The following GFRA1 variants were observed in gnomAD, a reference collection of about 807,000 sequenced individuals.
The protein encoded by GFRA1 is GDNF family receptor alpha-1.
GFRA1 carries 16 observed loss-of-function variants against 51.6 expected under a neutral mutation model. The ratio of observed to expected loss-of-function variants is 0.31; its 90% CI spans 0.21 to 0.47. The LOEUF (loss-of-function observed/expected upper bound fraction) is 0.47, where lower values mean the gene tolerates loss of function less well. Ranked by LOEUF, GFRA1 falls within the 20% of genes least tolerant of loss-of-function variation. The probability of loss-of-function intolerance (pLI) is 1.00; values close to 1 mark genes in which losing one functional copy is unlikely to be tolerated. For missense variants in GFRA1, 530 were observed against 594.3 expected (o/e 0.89, Z 1.13); for synonymous variants, 270 against 241.3 (o/e 1.12, Z -1.10).
chr10:116,066,030 C>A (rs1955096258), intron 9 of GFRA1, among the ~76,000 whole-genome samples: 1 of 152,154 alleles, frequency 6.6e-6, no homozygotes, highest in Admixed American at 6.5e-5. Context: ...AGTAATCCCT[C>A]ATTTCTTAAA....
intron 10 of GFRA1, among the ~76,000 whole-genome samples, chr10:116,065,238 A>T (rs1280247216): frequency 1.3e-5 from 2 of 152,186 alleles, no homozygotes; most frequent in Non-Finnish European, 2.9e-5. Flanking sequence ...ACCACAGATG[A>T]TAGAGAACAT....
chr10:116,254,344 GAAAGA>G (rs1968649845), intron 4 of GFRA1, among the ~76,000 whole-genome samples: 7 of 143,410 alleles, frequency 4.9e-5, no homozygotes, highest in South Asian at 2.2e-4. Flanking sequence ...AAGAAAGAAA[GAAAGA>G]AAAGAAAAGA....
At position 116,269,610 on chromosome 10, in the gene GFRA1, C is replaced by G. The variant is rs774322495; in HGVS notation, c.335-24G>C. The G allele has an allele frequency of 6.5e-6, 9 of 1,384,032 alleles. No individual in the cohort carries two copies. The Admixed American group carries it at 1.5e-4, about 23-fold the overall frequency. 85.7% of individuals were successfully genotyped at this position (1,384,032 alleles called of 1,614,324 possible). ...TCCTAAAAACAACAGAAAGATTGGG[C>G]TCAGATCAGAAAAACATATATTTCA... On this transcript the variant is annotated intron_variant, in intron 3 of 10. Coordinates refer to ENST00000355422, the MANE Select transcript of GFRA1 (RefSeq NM_005264.8).
chr10:116,068,170 A>G lies in GFRA1; in HGVS notation c.1198-2544T>C, dbSNP rs1325329832. 3.9e-5 allele frequency among the ~76,000 whole-genome samples: 6 copies of G among 152,198 alleles called. No individual in the cohort carries two copies. In the South Asian group the frequency reaches 1.2e-3, roughly 32 times the overall value. On this transcript the variant is annotated intron_variant, in intron 9 of 10. Transcript: ENST00000355422. ...TTCTCTCCCGTTAAACATCTTCCCA[A>G]CCCACAGAGGCACTCAGCACTCCAG... is the stretch of plus-strand genomic sequence containing the variant.
chr10:116,212,521 AAAACACAC>A (rs1033261559), intron 4 of GFRA1, among the ~76,000 whole-genome samples: 1 of 85,082 alleles, frequency 1.2e-5, no homozygotes. Context: ...ATTCCGTCTC[AAAACACAC>A]ACACACACAC....
chr10:116,211,039 A>T (rs1031573861), intron 5 of GFRA1, among the ~76,000 whole-genome samples: 4 of 152,094 alleles, frequency 2.6e-5, no homozygotes, highest in Non-Finnish European at 5.9e-5. Context: ...TGGGGTTAGG[A>T]TTTCACCTCC....
chr10:116,065,777 C>T, intron 9 of GFRA1, 151 bp from the exon 10 acceptor site: 1 of 656,606 alleles, frequency 1.5e-6, no homozygotes, highest in South Asian at 1.7e-5. Flanking sequence ...TTCTAGTAGC[C>T]ATGTAATAAA....
rs182653164 is a variant in GFRA1, at chr10:116,137,865, G to A, written c.434-12308C>T. 3.9e-5 allele frequency among the ~76,000 whole-genome samples: 6 copies of A among 152,194 alleles called. No individual in the cohort carries two copies. The East Asian group carries it at 9.7e-4, about 25-fold the overall frequency. ...TGCCCAGGCTAGAGTGCAATGGTAC[G>A]ATCTTGGCTCACTGCAACCTCCACT... is the stretch of plus-strand genomic sequence containing the variant. On this transcript the variant is annotated intron_variant, in intron 5 of 10. Coordinates refer to ENST00000355422, the MANE Select transcript of GFRA1 (RefSeq NM_005264.8).
intron 5 of GFRA1, among the ~76,000 whole-genome samples, chr10:116,172,576 G>A (rs561208462): frequency 1.3e-4 from 20 of 152,274 alleles, no homozygotes; most frequent in Admixed American, 9.2e-4. Context: ...GGGTTGGGGG[G>A]CAGAGGGTTC....
In GFRA1 at chr10:116,157,951, G is replaced by A. The variant is rs538287583; in HGVS notation, c.434-32394C>T. ...CCTGGCTTTGCACAAACACTGCAACGTGAACACACAAAAGTCCTCCATTCC... is the reference window on the plus strand; with the variant it reads ...CCTGGCTTTGCACAAACACTGCAACATGAACACACAAAAGTCCTCCATTCC... On this transcript the variant is annotated intron_variant, in intron 5 of 10. Transcript: ENST00000355422. Among the ~76,000 whole-genome samples, 19 of 152,306 alleles carry A rather than the reference G, an allele frequency of 1.2e-4. No homozygotes were observed. The East Asian group carries it at 2.5e-3, about 20-fold the overall frequency.
At chr10:116,127,543 C>T (rs546279976) in intron 5 of GFRA1, among the ~76,000 whole-genome samples, 1 of 152,304 alleles carries the variant, frequency 6.6e-6, no homozygotes, top group South Asian at 2.1e-4. Context: ...GTGTGGAGTA[C>T]AGGAAGTTGG....
At chr10:116,147,498 C>G (rs1020215136) in intron 5 of GFRA1, among the ~76,000 whole-genome samples, 10 of 152,048 alleles carry the variant, frequency 6.6e-5, no homozygotes, top group African/African-American at 1.2e-4. Flanking sequence ...CTTGACTCCC[C>G]ACAGAAAGGG....
chr10:116,236,129 G>T (rs1966870002), intron 4 of GFRA1, among the ~76,000 whole-genome samples: 2 of 152,114 alleles, frequency 1.3e-5, no homozygotes, highest in Admixed American at 1.3e-4. Flanking sequence ...TTTGGCGATT[G>T]CTACAAGCAC....
intron 9 of GFRA1, among the ~76,000 whole-genome samples, chr10:116,067,461 C>A (rs1015322340): frequency 6.6e-6 from 1 of 152,184 alleles, no homozygotes. Flanking sequence ...TTCCTATGCT[C>A]GTGGTCACAG....
chr10:116,215,207 A>G (rs1965476380), intron 4 of GFRA1, among the ~76,000 whole-genome samples: 1 of 152,194 alleles, frequency 6.6e-6, no homozygotes, highest in Admixed American at 6.5e-5. Context: ...AACAGCGATC[A>G]TAGCTCAGGC....
In GFRA1 at chr10:116,125,448, G is replaced by C. The variant is rs367673375; in HGVS notation, c.543C>G (p.Ser181Arg). The C allele has an allele frequency of 6.2e-7, 1 of 1,614,108 alleles. No homozygotes were observed. Among genetic ancestry groups the C allele is most frequent in the South Asian group, 1.1e-5 (1 of 91,078 alleles). ...RSAYITPCTT[S>R]VSNDVCNRRK... ...GGCGGTTGCAGACATCGTTGGACAC[G>C]CTGGTGGTGCACGGGGTGATGTACG... The change falls in exon 6 of 11, where the codon AGC (serine) becomes AGG (arginine). Residue 181 changes from serine (S) to arginine (R), a missense_variant. Coordinates refer to ENST00000355422, the MANE Select transcript of GFRA1 (RefSeq NM_005264.8).
chr10:116,262,006 C>A (rs1029092698), intron 4 of GFRA1, among the ~76,000 whole-genome samples: 1 of 152,142 alleles, frequency 6.6e-6, no homozygotes, highest in Non-Finnish European at 1.5e-5. Context: ...AATTTGATAC[C>A]TCCTCTTGAG....
intron 8 of GFRA1, among the ~76,000 whole-genome samples, chr10:116,090,655 G>A (rs1243131476): frequency 2.6e-5 from 4 of 152,054 alleles, no homozygotes; most frequent in African/African-American, 9.7e-5. Context: ...AATTGGTTGT[G>A]TGTTGTTCCC....
At chr10:116,164,602 CA>C (rs1278693501) in intron 5 of GFRA1, among the ~76,000 whole-genome samples, 2 of 152,210 alleles carry the variant, frequency 1.3e-5, no homozygotes, top group East Asian at 3.9e-4. Flanking sequence ...TTCGGATTCT[CA>C]TTCAGTGTTG....
Sources: gnomAD v4.1 joint callset for allele counts (sites outside exome capture counted in the v4.1 genomes callset) on GRCh38, gnomAD v4.1.1 for gene constraint, MANE v1.5 for transcripts, NCBI Gene and HGNC (gene_info 2026-07-23, HGNC 2026-07-21) for gene names.